PLEKHG4B: variants seen among roughly 807,000 people sequenced by gnomAD.
PLEKHG4B encodes the protein pleckstrin homology domain-containing family G member 4B.
Under a neutral mutation model 121.3 loss-of-function variants are expected in PLEKHG4B, and 111 were observed. The observed-to-expected ratio is 0.92, with a 90% CI of 0.78 to 1.07. The LOEUF is 1.07. Among genes scored for constraint, PLEKHG4B ranks in the 50% least tolerant of loss-of-function variants. The pLI, the probability that PLEKHG4B is intolerant of heterozygous loss-of-function variation, is 0.00. For synonymous variants in PLEKHG4B, 738 were observed against 725.0 expected (o/e 1.02, Z -0.29); for missense variants, 1,831 against 1,757.8 (o/e 1.04, Z -0.74).
At chr5:130,874 G>A (rs1190440375) in intron 2 of PLEKHG4B, among the ~76,000 whole-genome samples, 1 of 152,128 alleles carries the variant, frequency 6.6e-6, no homozygotes, top group Non-Finnish European at 1.5e-5. Flanking sequence ...GCAATCCCAG[G>A]GTAGCCAAAA....
chr5:114,602 C>T (rs1331693743), intron 2 of PLEKHG4B, among the ~76,000 whole-genome samples: 2 of 152,134 alleles, frequency 1.3e-5, no homozygotes, highest in East Asian at 3.9e-4. Flanking sequence ...GGATTACAGG[C>T]ACCCACCACC....
chr5:128,867 G>A (rs1734697455), intron 2 of PLEKHG4B, among the ~76,000 whole-genome samples: 1 of 152,144 alleles, frequency 6.6e-6, no homozygotes, highest in African/African-American at 2.4e-5. Flanking sequence ...TGGCCAAGGA[G>A]ATCCCAAAGA....
intron 1 of PLEKHG4B, among the ~76,000 whole-genome samples, chr5:110,062 CCACA>C (rs1201831505): frequency 4.0e-5 from 6 of 151,528 alleles, no homozygotes; most frequent in African/African-American, 9.7e-5. Flanking sequence ...GTGCACACAC[CCACA>C]CAATCTGCAA....
chr5:122,836 A>T (rs764199839), intron 2 of PLEKHG4B, among the ~76,000 whole-genome samples: 1 of 152,218 alleles, frequency 6.6e-6, no homozygotes, highest in Non-Finnish European at 1.5e-5. Flanking sequence ...ATTTCAAGAC[A>T]ATGAGTATTA....
chr5:183,932 G>A lies in PLEKHG4B; in HGVS notation c.*1609G>A, dbSNP rs1186391295. On this transcript the variant is annotated 3_prime_UTR_variant, in exon 20 of 20. Transcript: ENST00000637938. ...TTTGCATTTGTTGGGCCTCCAGAGA[G>A]ACAGAACCAATAGGAGATAGCTAGA... The A allele has an allele frequency of 1.3e-5, 2 of 152,076 alleles. No homozygotes were observed. Among genetic ancestry groups the A allele is most frequent in the African/African-American group, 4.8e-5 (2 of 41,358 alleles). The allele number at this position is 152,076 out of a possible 1,614,324, so 9.4% of individuals were successfully genotyped here. A position where few individuals can be genotyped will look rare whatever the true frequency, so the allele number is the denominator to read the frequency against.
intron 1 of PLEKHG4B, among the ~76,000 whole-genome samples, chr5:101,975 C>T (rs112275645): frequency 5.7e-5 from 5 of 87,864 alleles, no homozygotes; most frequent in Non-Finnish European, 8.5e-5. Context: ...CATATAAAGC[C>T]CTGGAGAAAG....
chr5:111,311 C>G (rs776955904), intron 1 of PLEKHG4B, among the ~76,000 whole-genome samples: 13 of 152,246 alleles, frequency 8.5e-5, no homozygotes, highest in Admixed American at 5.9e-4. Flanking sequence ...CTGGCCTGGC[C>G]CAGGCCCTGA....
Position 174,067 on chromosome 5 carries a change from G to C in PLEKHG4B, c.4371G>C (p.Arg1457Ser). ...GTGCATGGACCGATGTCATAGGGAG[G>C]ATCCTGTGGCGGCAGGCACTAAAGA... is the stretch of plus-strand genomic sequence containing the variant. ...VKSAWTDVIGRILWRQALKSR... is the reference protein window; with the variant it reads ...VKSAWTDVIGSILWRQALKSR... The change falls in exon 18 of 20, where the codon AGG becomes AGC. Residue 1457 changes from arginine to serine, a missense_variant. Physicochemically the swap from Arg to Ser is moderately radical, Grantham distance 110 (BLOSUM62 -1). Transcript: ENST00000637938. 1 of 1,591,334 alleles carries C rather than the reference G, an allele frequency of 6.3e-7. No individual in the cohort carries two copies. Among genetic ancestry groups the C allele is most frequent in the African/African-American group, 1.3e-5 (1 of 74,360 alleles).
intron 2 of PLEKHG4B, among the ~76,000 whole-genome samples, chr5:125,616 C>T (rs1261930890): frequency 6.6e-6 from 1 of 152,066 alleles, no homozygotes; most frequent in Non-Finnish European, 1.5e-5. Flanking sequence ...TGTCTTAAAT[C>T]ATGTAGAAAA....
chr5:126,744 G>A (rs755923918), intron 2 of PLEKHG4B, among the ~76,000 whole-genome samples: 1 of 152,150 alleles, frequency 6.6e-6, no homozygotes, highest in Non-Finnish European at 1.5e-5. Flanking sequence ...GAAGATTAAG[G>A]ACATGGACGC....
rs1293234901 is a variant in PLEKHG4B, at chr5:104,409, T to C, written c.46-8842T>C. Among the ~76,000 whole-genome samples, 3 of 152,332 alleles carry C rather than the reference T, an allele frequency of 2.0e-5. No homozygotes were observed. In the East Asian group the frequency reaches 5.8e-4, roughly 29 times the overall value. On this transcript the variant is annotated intron_variant, in intron 1 of 19. Transcript: ENST00000637938. ...ACAAAATCCAGCTCTTAACATGCAG[T>C]ATCCACCGTATCCAGCATATAATAA...
intron 1 of PLEKHG4B, among the ~76,000 whole-genome samples, chr5:92,919 C>T (rs1238137888): frequency 2.0e-5 from 3 of 152,120 alleles, no homozygotes; most frequent in Non-Finnish European, 2.9e-5. Flanking sequence ...GCTAGTAAAA[C>T]AAGACAGTTA....
chr5:169,230 A>G (rs1736453695), intron 13 of PLEKHG4B, 110 bp from the exon 14 acceptor site: 5 of 1,458,130 alleles, frequency 3.4e-6, no homozygotes, highest in East Asian at 2.3e-5. Context: ...TCCACATGTG[A>G]CCCTGCTCAT....
intron 13 of PLEKHG4B, among the ~76,000 whole-genome samples, chr5:163,941 C>T (rs1159621491): frequency 1.3e-5 from 2 of 152,244 alleles, no homozygotes; most frequent in African/African-American, 2.4e-5. Flanking sequence ...TTAGAAGGCG[C>T]ACCCATGCGC....
chr5:181,860 C>A, intron 19 of PLEKHG4B, 144 bp from the exon 20 acceptor site: 1 of 1,263,752 alleles, frequency 7.9e-7, no homozygotes, highest in Non-Finnish European at 1.1e-6. Context: ...GGCACTGGGC[C>A]AGTGGCCGAC....
rs1008039261 is a variant in PLEKHG4B at position 181,679 on chromosome 5, C to A, written c.4564+4C>A. 1 of 1,610,468 alleles carries A rather than the reference C, an allele frequency of 6.2e-7. No homozygotes were observed. Among genetic ancestry groups the A allele is most frequent in the South Asian group, 1.1e-5 (1 of 90,720 alleles). On this transcript the variant is annotated splice_donor_region_variant and intron_variant, in intron 19 of 19. Transcript: ENST00000637938. ...GACAGCATCGTCAAGGGCACAGGTACGGTGGCTCGGTCCCGCCCTCACTCA... is the reference window on the plus strand; with the variant it reads ...GACAGCATCGTCAAGGGCACAGGTAAGGTGGCTCGGTCCCGCCCTCACTCA...
chr5:172,609 C>A (rs755701276), intron 16 of PLEKHG4B, among the ~76,000 whole-genome samples: 1 of 152,230 alleles, frequency 6.6e-6, no homozygotes, highest in Non-Finnish European at 1.5e-5. Flanking sequence ...GGACGCTCAC[C>A]CCCTGAGCAG....
In PLEKHG4B at chr5:131,118, C is replaced by CTT. The variant is rs370839530; in HGVS notation, c.244-8356_244-8355dup. Among the ~76,000 whole-genome samples, 272 of 148,130 alleles carry CTT rather than the reference C, an allele frequency of 1.8e-3. 1 individual carries two copies. The highest frequency in any genetic ancestry group is 6.5e-3 in the African/African-American group (262 of 40,194). On this transcript the variant is annotated intron_variant, in intron 2 of 19. Transcript: ENST00000637938. Reference sequence around the variant, plus strand: ...AAGTTCCCCTTGAAGAAGCTGCTTCCTTTTTTTTTTACTTTAAATTCTAGG... The same window carrying CTT: ...AAGTTCCCCTTGAAGAAGCTGCTTCCTTTTTTTTTTTTACTTTAAATTCTAGG...
At chr5:95,190 T>C (rs1733595020) in intron 1 of PLEKHG4B, among the ~76,000 whole-genome samples, 1 of 152,234 alleles carries the variant, frequency 6.6e-6, no homozygotes, top group Non-Finnish European at 1.5e-5. Flanking sequence ...TTTGAATTTC[T>C]TTTACATGTT....
Sources: allele counts gnomAD v4.1 joint callset (sites outside exome capture counted in the v4.1 genomes callset), GRCh38; gene constraint gnomAD v4.1.1; transcripts MANE v1.5; gene names NCBI Gene and HGNC (gene_info 2026-07-23, HGNC 2026-07-21).